The following DNAH9 variants were observed in gnomAD, a reference collection of about 807,000 sequenced individuals.
The protein encoded by DNAH9 is DNAH9 variant protein.
A neutral mutation model predicts 471.6 loss-of-function variants in DNAH9; 345 were observed. The ratio of observed to expected loss-of-function variants is 0.73; its 90% confidence interval spans 0.67 to 0.80. The LOEUF (loss-of-function observed/expected upper bound fraction) is 0.80. DNAH9 is among the 30% of genes least tolerant of loss of function. The pLI is 0.00. For synonymous variants in DNAH9, 2,093 were observed against 2,123.6 expected, an observed-to-expected ratio of 0.99 and a Z score of 0.40; for missense variants, 5,407 against 5,609.2, an observed-to-expected ratio of 0.96 and a Z score of 1.15.
At chr17:11,784,167 A>G in intron 40 of DNAH9, 133 bp from the exon 41 acceptor site, 1 of 1,382,518 alleles carries the variant, frequency 7.2e-7, no homozygotes, top group Non-Finnish European at 9.9e-7. Flanking sequence ...AAATTTGGGC[A>G]TAGTGTGAGA....
intron 63 of DNAH9, among the ~76,000 whole-genome samples, chr17:11,931,516 G>A (rs886844710): frequency 1.3e-4 from 20 of 152,142 alleles, no homozygotes; most frequent in African/African-American, 3.9e-4. Context: ...AACTCTGGGC[G>A]GGAAGCTTCC....
At chr17:11,706,081 T>C (rs1358811015) in intron 26 of DNAH9, among the ~76,000 whole-genome samples, 3 of 152,122 alleles carry the variant, frequency 2.0e-5, no homozygotes, top group Non-Finnish European at 4.4e-5. Context: ...TCCAGGCATA[T>C]TTATAAAAAT....
At chr17:11,788,812 C>T (rs200445713) in intron 41 of DNAH9, among the ~76,000 whole-genome samples, 16 of 152,136 alleles carry the variant, frequency 1.1e-4, no homozygotes, top group Admixed American at 4.6e-4. Context: ...TTGACACAGT[C>T]GTGATTTTAC....
At chr17:11,818,584 A>G (rs751539994) in intron 45 of DNAH9, among the ~76,000 whole-genome samples, 9 of 152,190 alleles carry the variant, frequency 5.9e-5, no homozygotes, top group African/African-American at 1.9e-4. Flanking sequence ...TTACAAAAGC[A>G]TCATGTTGGT....
chr17:11,817,899 C>T (rs779493426), intron 45 of DNAH9, among the ~76,000 whole-genome samples: 3 of 152,040 alleles, frequency 2.0e-5, no homozygotes, highest in African/African-American at 7.2e-5. Flanking sequence ...TTATTTCAAC[C>T]TTTTAAATGA....
At chr17:11,639,608 A>G (rs754627054) in intron 9 of DNAH9, among the ~76,000 whole-genome samples, 1 of 152,162 alleles carries the variant, frequency 6.6e-6, no homozygotes, top group Admixed American at 6.5e-5. Flanking sequence ...TATTATTCCC[A>G]TTTTATAGAT....
intron 43 of DNAH9, among the ~76,000 whole-genome samples, chr17:11,798,203 C>T (rs180940613): frequency 2.0e-5 from 3 of 151,852 alleles, no homozygotes; most frequent in African/African-American, 2.4e-5. Context: ...GAGGCCGAGG[C>T]GGGCAGATCA....
chr17:11,742,271 C>T lies in DNAH9; in HGVS notation c.6069C>T (p.Phe2023=), dbSNP rs769253619. Residue 2023 remains phenylalanine (F), a synonymous_variant, in exon 30 of 69, where the codon TTC becomes TTT. Transcript: ENST00000262442. ...FIEAQSLARK[F]ITLYQLCKEL... is the part of the protein sequence containing the mutation. ...AAGCCCAGTCATTAGCCAGAAAGTT[C>T]ATCACTCTTTACCAGTTGTGCAAAG... is the stretch of plus-strand genomic sequence containing the variant. 3.1e-6 allele frequency: 5 copies of T among 1,614,114 alleles called. No homozygotes were observed. The highest frequency in any genetic ancestry group is 2.5e-6 in the Non-Finnish European group (3 of 1,179,978).
intron 41 of DNAH9, among the ~76,000 whole-genome samples, chr17:11,788,768 T>A (rs768748073): frequency 2.0e-5 from 3 of 152,190 alleles, no homozygotes; most frequent in Non-Finnish European, 4.4e-5. Flanking sequence ...ACAACTCAAG[T>A]ACAATGTTGG....
chr17:11,902,659 C>A, intron 59 of DNAH9, 60 bp from the exon 60 acceptor site: 2 of 1,505,570 alleles, frequency 1.3e-6, no homozygotes, highest in Non-Finnish European at 1.8e-6. Context: ...AATCCCCCAA[C>A]ACAATGCAAA....
At chr17:11,906,056 C>G (rs1390163145) in intron 61 of DNAH9, among the ~76,000 whole-genome samples, 1 of 152,146 alleles carries the variant, frequency 6.6e-6, no homozygotes, top group African/African-American at 2.4e-5. Flanking sequence ...CCCCTCCACT[C>G]TGCCTCACCC....
intron 29 of DNAH9, 108 bp from the exon 30 acceptor site, chr17:11,742,067 T>C (rs1013328745): frequency 1.0e-6 from 1 of 976,384 alleles, no homozygotes; most frequent in African/African-American, 1.6e-5. Context: ...GTTTTTGCAC[T>C]CACAGATGCC....
rs761787871 is a variant in DNAH9 at position 11,804,517 on chromosome 17, T to A, written c.8421-3215T>A. Reference sequence around the variant, plus strand: ...AAATAATAAAATGCTTCATAAACATTTAAAAATGTTCAATTCCCTAGAAAC... The same window carrying A: ...AAATAATAAAATGCTTCATAAACATATAAAAATGTTCAATTCCCTAGAAAC... On this transcript the variant is annotated intron_variant, in intron 43 of 68. Transcript: ENST00000262442. Among the ~76,000 whole-genome samples the A allele has an allele frequency of 4.0e-4, 61 of 152,130 alleles. 1 individual carries two copies. Among genetic ancestry groups the A allele is most frequent in the Non-Finnish European group, 6.8e-4 (46 of 68,020 alleles).
At chr17:11,781,253 T>G in intron 39 of DNAH9, 79 bp downstream of exon 39, 1 of 1,477,262 alleles carries the variant, frequency 6.8e-7, no homozygotes, top group Non-Finnish European at 9.1e-7. Context: ...CTATTCTGCC[T>G]GAACGGCAAA....
At chr17:11,811,664 A>G (rs1181405707) in intron 45 of DNAH9, among the ~76,000 whole-genome samples, 2 of 152,122 alleles carry the variant, frequency 1.3e-5, no homozygotes, top group Admixed American at 6.5e-5. Context: ...CTTACCCATC[A>G]TTGCTTTTTA....
intron 57 of DNAH9, among the ~76,000 whole-genome samples, chr17:11,887,486 C>T (rs1193790432): frequency 6.6e-6 from 1 of 152,142 alleles, no homozygotes; most frequent in Non-Finnish European, 1.5e-5. Flanking sequence ...ATTGTAAGTG[C>T]TGACTAAACT....
chr17:11,762,761 T>TTTTTTGTTG (rs1195199488), intron 35 of DNAH9, among the ~76,000 whole-genome samples: 8,765 of 102,200 alleles, frequency 0.086, 426 homozygotes, highest in South Asian at 0.12. Context: ...TAGGTGCGTT[T>TTTTTTGTTG]TTTTTTTTGT....
intron 53 of DNAH9, among the ~76,000 whole-genome samples, chr17:11,879,365 T>C (rs780787312): frequency 3.9e-5 from 6 of 152,176 alleles, no homozygotes; most frequent in Non-Finnish European, 7.3e-5. Flanking sequence ...CCTCTTCTTC[T>C]TTATTGGTTT....
At chr17:11,801,360 GCCTAGT>G (rs1969451142) in intron 43 of DNAH9, among the ~76,000 whole-genome samples, 1 of 152,172 alleles carries the variant, frequency 6.6e-6, no homozygotes, top group Non-Finnish European at 1.5e-5. Flanking sequence ...CTTAGACAAT[GCCTAGT>G]GCATAGTAGG....
Sources: gnomAD v4.1 joint callset for allele counts (sites outside exome capture counted in the v4.1 genomes callset) on GRCh38, gnomAD v4.1.1 for gene constraint, MANE v1.5 for transcripts, NCBI Gene and HGNC (gene_info 2026-07-23, HGNC 2026-07-21) for gene names.